Variants in CNIH3 observed in about 807,000 individuals in gnomAD.
CNIH3 encodes the protein protein cornichon homolog 3.
A neutral mutation model predicts 24.1 loss-of-function variants in CNIH3; 14 were observed. That is an observed-to-expected ratio of 0.58 (90% CI 0.38 to 0.91). The LOEUF (loss-of-function observed/expected upper bound fraction) is 0.91, where lower values mean the gene tolerates loss of function less well. Among genes scored for constraint, CNIH3 ranks in the 40% least tolerant of loss-of-function variants. The probability of loss-of-function intolerance (pLI) is 0.00; values close to 1 mark genes in which losing one functional copy is unlikely to be tolerated. For missense variants in CNIH3, 178 were observed against 196.8 expected (o/e 0.90, Z 0.57); for synonymous variants, 68 against 73.8 (o/e 0.92, Z 0.40).
chr1:224,512,124 G>C (rs1203773564), upstream of CNIH3, among the ~76,000 whole-genome samples: 1 of 150,866 alleles, frequency 6.6e-6, no homozygotes, highest in South Asian at 2.1e-4. Context: ...GCAGTGAGCC[G>C]AGATCGTGCC....
chr1:224,642,662 C>T (rs1043532242), intron 1 of CNIH3, among the ~76,000 whole-genome samples: 4 of 152,182 alleles, frequency 2.6e-5, no homozygotes, highest in African/African-American at 9.7e-5. Context: ...TACCTTTCTG[C>T]TGTATATTCT....
At chr1:224,673,735 CT>C (rs1053766019) in intron 1 of CNIH3, among the ~76,000 whole-genome samples, 41 of 152,260 alleles carry the variant, frequency 2.7e-4, no homozygotes, top group East Asian at 1.2e-3. Context: ...TGACAGGGAC[CT>C]TCTGTTCTTT....
At chr1:224,689,617 C>G (rs1487324109) in intron 3 of CNIH3, among the ~76,000 whole-genome samples, 1 of 152,118 alleles carries the variant, frequency 6.6e-6, no homozygotes, top group Non-Finnish European at 1.5e-5. Context: ...GTTAGCAGCA[C>G]CACCTTCTGG....
At chr1:224,636,834 C>G (rs1684108341) in intron 1 of CNIH3, among the ~76,000 whole-genome samples, 1 of 152,050 alleles carries the variant, frequency 6.6e-6, no homozygotes, top group Non-Finnish European at 1.5e-5. Flanking sequence ...ATTGCTTAGC[C>G]CTGAGGAAGA....
intron 1 of CNIH3, among the ~76,000 whole-genome samples, chr1:224,478,395 C>T (rs1440703007): frequency 6.6e-6 from 1 of 152,130 alleles, no homozygotes; most frequent in African/African-American, 2.4e-5. Context: ...TCTTCTCAAG[C>T]TTACGGATTC....
intron 1 of CNIH3, among the ~76,000 whole-genome samples, chr1:224,491,626 G>A (rs929427850): frequency 6.6e-6 from 1 of 150,434 alleles, no homozygotes; most frequent in Non-Finnish European, 1.5e-5. Context: ...TTTTTTTTGA[G>A]ACAGAGTCTC....
At chr1:224,577,171 C>T (rs963519881) in intron 4 of CNIH3, among the ~76,000 whole-genome samples, 1 of 152,008 alleles carries the variant, frequency 6.6e-6, no homozygotes, top group Non-Finnish European at 1.5e-5. Flanking sequence ...TTCATGAACC[C>T]AAAAGCAAAT....
chr1:224,542,315 G>C (rs544830333), downstream of CNIH3, among the ~76,000 whole-genome samples: 1 of 152,130 alleles, frequency 6.6e-6, no homozygotes, highest in Non-Finnish European at 1.5e-5. Context: ...CCCTAGCAAC[G>C]ATTTTGTACT....
At chr1:224,673,610 G>A (rs908216200) in intron 1 of CNIH3, among the ~76,000 whole-genome samples, 4 of 152,126 alleles carry the variant, frequency 2.6e-5, no homozygotes, top group African/African-American at 4.8e-5. Context: ...TCCCGATTCT[G>A]TTTCTTCCTA....
At chr1:224,486,172 C>T (rs757833650) in intron 1 of CNIH3, among the ~76,000 whole-genome samples, 1 of 152,080 alleles carries the variant, frequency 6.6e-6, no homozygotes, top group Non-Finnish European at 1.5e-5. Flanking sequence ...ATGGTGTGAT[C>T]ACGGCTTACT....
At chr1:224,441,352 T>G (rs111294848) in intron 1 of CNIH3, among the ~76,000 whole-genome samples, 192 of 152,320 alleles carry the variant, frequency 1.3e-3, no homozygotes, top group African/African-American at 4.5e-3. Flanking sequence ...ACCTCTTATA[T>G]TCTCACACTG....
intron 1 of CNIH3, among the ~76,000 whole-genome samples, chr1:224,678,723 G>A (rs1483055893): frequency 6.6e-6 from 1 of 151,844 alleles, no homozygotes; most frequent in Admixed American, 6.6e-5. Flanking sequence ...TCTGTGCTGT[G>A]TAATAGCTAC....
chr1:224,563,885 T>C (rs1246259738), intron 3 of CNIH3, among the ~76,000 whole-genome samples: 1 of 152,222 alleles, frequency 6.6e-6, no homozygotes, highest in African/African-American at 2.4e-5. Context: ...GCCTCCTGTT[T>C]TACCAGCCAT....
intron 1 of CNIH3, among the ~76,000 whole-genome samples, chr1:224,653,819 C>A (rs890098072): frequency 2.6e-5 from 4 of 152,220 alleles, no homozygotes; most frequent in Admixed American, 2.6e-4. Context: ...GTGGTGCACA[C>A]CTGTAATCCC....
At chr1:224,557,154 A>C (rs935737290) in intron 3 of CNIH3, among the ~76,000 whole-genome samples, 2 of 151,952 alleles carry the variant, frequency 1.3e-5, no homozygotes, top group African/African-American at 4.8e-5. Context: ...TGATCCTCCC[A>C]CCTCAGACTC....
rs978270897 is a variant in CNIH3, at chr1:224,458,039, T to C, written n.203+23177T>C. On this transcript the variant is annotated intron_variant and non_coding_transcript_variant, in intron 1 of 5. Transcript: ENST00000471578. This position sits in a 1 kb window ranked among gnomAD's most constrained non-coding sequence, Gnocchi z 4.3. ...AAACAGAAATAGTGTATTACTGTAA[T>C]AATTATAGTGAAGTACTGCACTTGG... Among the ~76,000 whole-genome samples, 1 of 152,192 alleles carries C rather than the reference T, an allele frequency of 6.6e-6. No individual in the cohort carries two copies. The highest frequency in any genetic ancestry group is 2.4e-5 in the African/African-American group (1 of 41,440).
chr1:224,452,747 A>C (rs896172353), intron 1 of CNIH3, among the ~76,000 whole-genome samples: 1 of 138,000 alleles, frequency 7.2e-6, no homozygotes, highest in East Asian at 2.1e-4. Context: ...GCGCCACTGC[A>C]CTCCAGCCTG....
At chr1:224,563,259 T>C (rs1680447465) in intron 3 of CNIH3, among the ~76,000 whole-genome samples, 1 of 152,134 alleles carries the variant, frequency 6.6e-6, no homozygotes, top group Non-Finnish European at 1.5e-5. Context: ...AGGTATTCCT[T>C]TATAGCAACA....
In CNIH3 at chr1:224,626,726, C is replaced by G. The variant is rs541102257; in HGVS notation, c.81+9471C>G. Among the ~76,000 whole-genome samples, 105 of 152,316 alleles carry G rather than the reference C, an allele frequency of 6.9e-4. 1 individual carries two copies. Among genetic ancestry groups the G allele is most frequent in the African/African-American group, 2.5e-3 (102 of 41,568 alleles). On this transcript the variant is annotated intron_variant, in intron 1 of 5. Transcript: ENST00000272133. Reference sequence around the variant, plus strand: ...GGGTTGGAAGCCTATTACAACATAGCATTGACCTACCTCTCCAGCCGGTCT... The same window carrying G: ...GGGTTGGAAGCCTATTACAACATAGGATTGACCTACCTCTCCAGCCGGTCT...
Sources: allele counts gnomAD v4.1 joint callset (sites outside exome capture counted in the v4.1 genomes callset), GRCh38; gene constraint gnomAD v4.1.1; non-coding constraint Gnocchi (gnomAD v3.1); transcripts MANE v1.5; gene names NCBI Gene and HGNC (gene_info 2026-07-23, HGNC 2026-07-21).